Variants in ATG9A observed in about 807,000 individuals in gnomAD.
The protein encoded by ATG9A is autophagy related 9A, also known as autophagy-related protein 9A.
A neutral mutation model predicts 87.1 loss-of-function variants in ATG9A; 21 were observed. The observed-to-expected ratio is 0.24, with a 90% CI of 0.17 to 0.35. The LOEUF is 0.35. ATG9A is among the 10% of genes least tolerant of loss of function. ATG9A has a pLI of 1.00. For missense variants in ATG9A, 836 were observed against 1,107.3 expected (o/e 0.76, Z 3.48); for synonymous variants, 422 against 441.3 (o/e 0.96, Z 0.55).
At position 219,222,409 on chromosome 2, in the gene ATG9A, G is replaced by A. The variant is rs1319461751; in HGVS notation, c.1890C>T (p.Cys630=). ...GGTCTCTGGGCAGTGGAGGGCCCCG[G>A]CAGGATGAGCCAGCTACCACATTTG... The part of the protein sequence containing the change: ...LIANVVAGSS[C]RGPPLPRDLQ... The change falls in exon 12 of 16, where the codon TGC becomes TGT. Residue 630 remains cysteine, a synonymous_variant. Coordinates refer to ENST00000361242, the MANE Select transcript of ATG9A (RefSeq NM_001077198.3). The surrounding 1 kb of genome is among the most constrained non-coding windows in gnomAD (Gnocchi z 4.3). 2 of 1,585,552 alleles carry A rather than the reference G, an allele frequency of 1.3e-6. No individual in the cohort carries two copies. Among genetic ancestry groups the A allele is most frequent in the Non-Finnish European group, 1.7e-6 (2 of 1,166,558 alleles).
Position 219,222,261 on chromosome 2 carries a change from G to A in ATG9A, c.2027+11C>T, listed in dbSNP as rs148484147. 801 of 1,613,400 alleles carry A rather than the reference G, an allele frequency of 5.0e-4. 7 individuals carry two copies. The African/African-American group carries it at 9.1e-3, about 18-fold the overall frequency. Reference sequence around the variant, plus strand: ...TGCCGTGCCCTCCCATCTTGGCCCCGATTTACTCACCCAGAGCCTGTCATG... The same window carrying A: ...TGCCGTGCCCTCCCATCTTGGCCCCAATTTACTCACCCAGAGCCTGTCATG... On this transcript the variant is annotated intron_variant, in intron 12 of 15. Transcript: ENST00000361242. The surrounding 1 kb of genome is among the most constrained non-coding windows in gnomAD (Gnocchi z 4.3).
rs1312866876 is a variant in ATG9A at position 219,222,726 on chromosome 2, T to C, written c.1767A>G (p.Ala589=). 1 of 1,614,102 alleles carries C rather than the reference T, an allele frequency of 6.2e-7. No homozygotes were observed. The highest frequency in any genetic ancestry group is 8.5e-7 in the Non-Finnish European group (1 of 1,180,052). The change falls in exon 11 of 16, where the codon GCA becomes GCG. Residue 589 remains alanine (A), a synonymous_variant. Coordinates refer to ENST00000361242, the MANE Select transcript of ATG9A (RefSeq NM_001077198.3). The surrounding 1 kb of genome is among the most constrained non-coding windows in gnomAD (Gnocchi z 4.3). ...FLKEQVQRDG[A]AASLAQGGLL... The stretch of plus-strand genomic sequence containing the variant: ...GACCCCCTTGGGCGAGGCTAGCAGC[T>C]GCTCCATCCCGCTGAACCTGCTCCT...
chr2:219,224,935 G>C lies in ATG9A; in HGVS notation c.517-81C>G. ...CCCCTTTGCCCTATATTAGAAGTGA[G>C]ATTCAGGGGTTGTGAGCTTAAGAGA... is the stretch of plus-strand genomic sequence containing the variant. On this transcript the variant is annotated intron_variant, in intron 7 of 15. Transcript: ENST00000361242. This position sits in a 1 kb window ranked among gnomAD's most constrained non-coding sequence, Gnocchi z 7.7. 1.3e-6 allele frequency: 2 copies of C among 1,578,662 alleles called. No homozygotes were observed. Among genetic ancestry groups the C allele is most frequent in the Non-Finnish European group, 8.6e-7 (1 of 1,156,666 alleles).
Position 219,226,880 on chromosome 2 carries a change from G to C in ATG9A, c.201C>G (p.Ile67Met). The change falls in exon 5 of 16, where the codon ATC becomes ATG. Residue 67 changes from isoleucine to methionine, a missense_variant. Physicochemically the swap from Ile to Met is conservative, Grantham distance 10 (BLOSUM62 1). This residue lies in a region of ATG9A where 512 missense variants were observed against 759.6 expected (regional missense o/e 0.67). Coordinates refer to ENST00000361242, the MANE Select transcript of ATG9A (RefSeq NM_001077198.3). ...CTTCTTATACTTACATGAGCTCAAAGATCTCCCCGATGAGCATACATGTGA... is the reference window on the plus strand; with the variant it reads ...CTTCTTATACTTACATGAGCTCAAACATCTCCCCGATGAGCATACATGTGA... ...NGFTCMLIGE[I>M]FELMQFLFVV... 6.2e-7 allele frequency: 1 copy of C among 1,612,744 alleles called. No homozygotes were observed. The highest frequency in any genetic ancestry group is 8.5e-7 in the Non-Finnish European group (1 of 1,178,678).
Position 219,222,315 on chromosome 2 carries a change from G to C in ATG9A, c.1984C>G (p.Gln662Glu). 6.2e-7 allele frequency: 1 copy of C among 1,613,408 alleles called. No individual in the cohort carries two copies. ...LRSFSPLQPG[Q>E]APTGRAHSTM... is the part of the protein sequence containing the mutation. ...CTGTGAGCCCGGCCTGTGGGCGCCT[G>C]CCCGGGTTGCAGCGGGGAGAAGGAG... is the stretch of plus-strand genomic sequence containing the variant. Residue 662 changes from glutamine to glutamate, a missense_variant, in exon 12 of 16, where the codon CAG (glutamine) becomes GAG (glutamate). Physicochemically the swap from Gln to Glu is conservative, Grantham distance 29. Transcript: ENST00000361242. This position sits in a 1 kb window ranked among gnomAD's most constrained non-coding sequence, Gnocchi z 4.3.
intron 2 of ATG9A, 42 bp from the exon 3 acceptor site, chr2:219,228,095 C>A: frequency 7.0e-7 from 1 of 1,433,610 alleles, no homozygotes; most frequent in Non-Finnish European, 9.7e-7. Flanking sequence ...TCAGTTCCAG[C>A]TGCTGCCCAT....
chr2:219,221,328 G>A (rs1228167629), intron 13 of ATG9A, 26 bp from the exon 14 acceptor site: 1 of 1,526,532 alleles, frequency 6.6e-7, no homozygotes, highest in African/African-American at 1.4e-5. Context: ...GCTCGTTAGT[G>A]GGGGACAGAC....
Position 219,223,541 on chromosome 2 carries a change from T to C in ATG9A, c.1599+44A>G, listed in dbSNP as rs1950806457. The C allele has an allele frequency of 1.4e-5, 21 of 1,554,846 alleles. No homozygotes were observed. In the East Asian group the frequency reaches 4.7e-4, roughly 35 times the overall value. ...CGGTTTTCCCAAAGACACTGTATGTTCCAGCATCATCCCAGGCCACCTGGC... is the reference window on the plus strand; with the variant it reads ...CGGTTTTCCCAAAGACACTGTATGTCCCAGCATCATCCCAGGCCACCTGGC... On this transcript the variant is annotated intron_variant, in intron 10 of 15. Coordinates refer to ENST00000361242, the MANE Select transcript of ATG9A (RefSeq NM_001077198.3). The surrounding 1 kb of genome is among the most constrained non-coding windows in gnomAD (Gnocchi z 4.7).
In ATG9A at chr2:219,224,699, G is replaced by A; in HGVS notation, c.672C>T (p.Asn224=). 1 of 1,614,250 alleles carries A rather than the reference G, an allele frequency of 6.2e-7. No individual in the cohort carries two copies. Among genetic ancestry groups the A allele is most frequent in the Non-Finnish European group, 8.5e-7 (1 of 1,180,046 alleles). Residue 224 remains asparagine, a synonymous_variant, in exon 8 of 16, where the codon AAC becomes AAT. Transcript: ENST00000361242. The surrounding 1 kb of genome is among the most constrained non-coding windows in gnomAD (Gnocchi z 7.7). ...RFQNYMVALV[N]KSLLPLRFRL... ...GGAAGCGCAGAGGCAGGAGGGATTT[G>A]TTAACCAGTGCCACCATGTAGTTCT...
intron 5 of ATG9A, 56 bp from the exon 6 acceptor site, chr2:219,225,628 C>A: frequency 6.3e-7 from 1 of 1,575,268 alleles, no homozygotes; most frequent in African/African-American, 1.3e-5. Flanking sequence ...TCCAGTGAAA[C>A]CCAGTGGGAA....
intron 13 of ATG9A, among the ~76,000 whole-genome samples, chr2:219,221,847 C>T (rs1950767053): frequency 6.6e-6 from 1 of 152,054 alleles, no homozygotes; most frequent in Non-Finnish European, 1.5e-5. Context: ...ATCTGGATAT[C>T]CCAGGGAACT....
intron 1 of ATG9A, chr2:219,228,722 AGTGG>A (rs1950925545): frequency 6.6e-6 from 1 of 152,252 alleles, no homozygotes. Flanking sequence ...ATGGAGAATG[AGTGG>A]GTACAGACCT....
At position 219,223,648 on chromosome 2, in the gene ATG9A, G is replaced by A. The variant is rs752664977; in HGVS notation, c.1536C>T (p.Val512=). 13 of 1,613,694 alleles carry A rather than the reference G, an allele frequency of 8.1e-6. No individual in the cohort carries two copies. The highest frequency in any genetic ancestry group is 1.6e-4 in the Middle Eastern group (1 of 6,084). The change falls in exon 10 of 16, where the codon GTC becomes GTT. Residue 512 remains valine (V), a synonymous_variant. Transcript: ENST00000361242. The surrounding 1 kb of genome is among the most constrained non-coding windows in gnomAD (Gnocchi z 4.7). ...IDFFRNFTVE[V]VGVGDTCSFA... ...AGGAGCAGGTATCTCCCACACCAAC[G>A]ACCTCCACGGTGAAGTTTCGGAAGA...
chr2:219,228,032 G>A lies in ATG9A; in HGVS notation c.-8C>T, dbSNP rs373711135. 2.2e-5 allele frequency: 36 copies of A among 1,609,984 alleles called. No individual in the cohort carries two copies. Among genetic ancestry groups the A allele is most frequent in the Non-Finnish European group, 3.0e-5 (35 of 1,177,178 alleles). On this transcript the variant is annotated 5_prime_UTR_variant, in exon 3 of 16. Transcript: ENST00000361242. ...AGTGTCAAACTGCGCCATCACCACC[G>A]CCCCCTGTCCACCTTGACCACCTGC...
In ATG9A at chr2:219,223,021, G is replaced by T; in HGVS notation, c.1600-128C>A. ...CAGTATACTGTCAATCTTTCCCAGG[G>T]CACTGGTGCCCCCCCAGACCCAGGA... On this transcript the variant is annotated intron_variant, in intron 10 of 15. Transcript: ENST00000361242. This position sits in a 1 kb window ranked among gnomAD's most constrained non-coding sequence, Gnocchi z 4.7. 1 of 1,278,934 alleles carries T rather than the reference G, an allele frequency of 7.8e-7. No homozygotes were observed. Among genetic ancestry groups the T allele is most frequent in the Non-Finnish European group, 1.1e-6 (1 of 933,984 alleles). The allele number at this position is 1,278,934 out of a possible 1,614,324, so 79.2% of individuals were successfully genotyped here.
At chr2:219,225,321 G>C (rs755774968) in intron 6 of ATG9A, 90 bp downstream of exon 6, 438 of 1,595,370 alleles carry the variant, frequency 2.7e-4, no homozygotes, top group Non-Finnish European at 3.6e-4. Context: ...GTCAGTTCTG[G>C]AGTATGAGTT....
rs1323523268 is a variant in ATG9A at position 219,223,950 on chromosome 2, G to A, written c.1338C>T (p.His446=). 1.2e-6 allele frequency: 2 copies of A among 1,614,102 alleles called. No homozygotes were observed. Among genetic ancestry groups the A allele is most frequent in the East Asian group, 4.5e-5 (2 of 44,884 alleles). The change falls in exon 9 of 16, where the codon CAC becomes CAT. Residue 446 remains histidine (H), a synonymous_variant. Coordinates refer to ENST00000361242, the MANE Select transcript of ATG9A (RefSeq NM_001077198.3). This position sits in a 1 kb window ranked among gnomAD's most constrained non-coding sequence, Gnocchi z 4.7. ...QLLRVILAHI[H]YMPDHWQGNA... ...TACCCTGCCAGTGGTCAGGCATGTAGTGGATGTGAGCGAGGATCACGCGGA... is the reference window on the plus strand; with the variant it reads ...TACCCTGCCAGTGGTCAGGCATGTAATGGATGTGAGCGAGGATCACGCGGA...
At position 219,223,526 on chromosome 2, in the gene ATG9A, A is replaced by T. The variant is rs908196; in HGVS notation, c.1599+59T>A. The T allele has an allele frequency of 1.3e-6, 2 of 1,519,080 alleles. No individual in the cohort carries two copies. Among genetic ancestry groups the T allele is most frequent in the African/African-American group, 1.4e-5 (1 of 71,612 alleles). 94.1% of individuals were successfully genotyped at this position (1,519,080 alleles called of 1,614,324 possible). A position where few individuals can be genotyped will look rare whatever the true frequency, so the allele number is the denominator to read the frequency against. On this transcript the variant is annotated intron_variant, in intron 10 of 15. Transcript: ENST00000361242. This position sits in a 1 kb window ranked among gnomAD's most constrained non-coding sequence, Gnocchi z 4.7. ...AGAGGTGTCTTTTTGCGGTTTTCCCAAAGACACTGTATGTTCCAGCATCAT... is the reference window on the plus strand; with the variant it reads ...AGAGGTGTCTTTTTGCGGTTTTCCCTAAGACACTGTATGTTCCAGCATCAT...
Position 219,220,118 on chromosome 2 carries a change from G to A in ATG9A, c.*329C>T. On this transcript the variant is annotated 3_prime_UTR_variant, in exon 16 of 16. Coordinates refer to ENST00000361242, the MANE Select transcript of ATG9A (RefSeq NM_001077198.3). ...CCCTGCTTGGCAGCTTCTATCGTGG[G>A]CAGCCCTCTGGGGACTTGCAGGGGT... 1 of 366,966 alleles carries A rather than the reference G, an allele frequency of 2.7e-6. No homozygotes were observed. Among genetic ancestry groups the A allele is most frequent in the Non-Finnish European group, 5.0e-6 (1 of 200,032 alleles). 22.7% of individuals were successfully genotyped at this position (366,966 alleles called of 1,614,324 possible).
Sources: gnomAD v4.1 joint callset for allele counts (sites outside exome capture counted in the v4.1 genomes callset) on GRCh38, gnomAD v4.1.1 for gene constraint, gnomAD v4.1.1 regional missense constraint, Gnocchi (gnomAD v3.1) non-coding constraint, MANE v1.5 for transcripts, NCBI Gene and HGNC (gene_info 2026-07-23, HGNC 2026-07-21) for gene names.